Variants in CLEC12A observed in about 807,000 individuals in gnomAD.
CLEC12A encodes C-type lectin protein CLL-1.
In CLEC12A, 22 loss-of-function variants were observed where a neutral mutation model predicts 26.5. The ratio of observed to expected loss-of-function variants is 0.83; its 90% CI spans 0.59 to 1.19. CLEC12A has a LOEUF of 1.19. Among genes scored for constraint, CLEC12A ranks in the 50% most tolerant of loss-of-function variants. The pLI is 0.00. For synonymous variants in CLEC12A, 119 were observed against 101.9 expected (o/e 1.17, Z -1.01); for missense variants, 353 against 315.6 (o/e 1.12, Z -0.90).
intron 1 of CLEC12A, among the ~76,000 whole-genome samples, chr12:9,961,838 T>C (rs4502063): frequency 0.028 from 4,235 of 152,312 alleles, 202 homozygotes; most frequent in African/African-American, 0.096. Flanking sequence ...ATAAATCTAC[T>C]CTTCACCATT....
chr12:9,954,305 G>A (rs908507528), intron 1 of CLEC12A, among the ~76,000 whole-genome samples: 3 of 151,256 alleles, frequency 2.0e-5, no homozygotes, highest in Admixed American at 6.6e-5. Context: ...GACCAGCCTG[G>A]GCAACATGGT....
chr12:9,997,380 TGAG>T, downstream of CLEC12A: 2 of 1,075,526 alleles, frequency 1.9e-6, no homozygotes, highest in Non-Finnish European at 2.7e-6. Flanking sequence ...TGCCAATATA[TGAG>T]GAGTTTACTA....
At chr12:10,002,117 G>A in the CLEC12A span, among the ~76,000 whole-genome samples, 17 of 151,944 alleles carry the variant, frequency 1.1e-4, no homozygotes, top group Non-Finnish European at 2.5e-4. Context: ...TCCTGACCTC[G>A]TGATCCACCC....
chr12:9,979,634 T>C (rs921235334), intron 3 of CLEC12A, 110 bp downstream of exon 3: 49 of 786,720 alleles, frequency 6.2e-5, no homozygotes, highest in Middle Eastern at 5.0e-4. Flanking sequence ...GAGTCATAAT[T>C]TGGGGGAAAG....
chr12:9,999,384 C>G (rs915923485), downstream of CLEC12A: 1 of 267,168 alleles, frequency 3.7e-6, no homozygotes, highest in African/African-American at 2.2e-5. Flanking sequence ...TTTTTATCTT[C>G]AACACTAAAT....
At chr12:9,984,377 T>C (rs1315184273) in intron 5 of CLEC12A, 5 of 152,500 alleles carry the variant, frequency 3.3e-5, no homozygotes, top group African/African-American at 1.2e-4. Flanking sequence ...CTAGTATTTA[T>C]GGGCTGGTCA....
At chr12:9,986,702 T>C (rs1474496635), downstream of CLEC12A, among the ~76,000 whole-genome samples, 1 of 152,050 alleles carries the variant, frequency 6.6e-6, no homozygotes, top group Non-Finnish European at 1.5e-5. Context: ...TCCCAGCTAC[T>C]CGGGAGGCTG....
intron 1 of CLEC12A, among the ~76,000 whole-genome samples, chr12:9,959,351 CTGAGGCAGGAGAATCTCT>C (rs1197403022): frequency 1.3e-5 from 2 of 151,610 alleles, no homozygotes; most frequent in Admixed American, 6.6e-5. Context: ...ACTCTGGAGG[CTGAGGCAGGAGAATCTCT>C]TGAACCAGTG....
chr12:9,980,572 C>A lies in CLEC12A; in HGVS notation c.380-10C>A. 6.2e-7 allele frequency: 1 copy of A among 1,609,016 alleles called. No homozygotes were observed. Among genetic ancestry groups the A allele is most frequent in the Non-Finnish European group, 8.5e-7 (1 of 1,177,876 alleles). Reference sequence around the variant, plus strand: ...AACAAAACCCAAATAAAACTATGTTCTTCTTCCAGAGCACAAATGTAAGCC... The same window carrying A: ...AACAAAACCCAAATAAAACTATGTTATTCTTCCAGAGCACAAATGTAAGCC... On this transcript the variant is annotated splice_polypyrimidine_tract_variant and intron_variant, in intron 3 of 5. Coordinates refer to ENST00000304361, the MANE Select transcript of CLEC12A (RefSeq NM_138337.6).
chr12:9,963,680 AC>A (rs764571360), intron 1 of CLEC12A, among the ~76,000 whole-genome samples: 1 of 152,180 alleles, frequency 6.6e-6, no homozygotes, highest in Non-Finnish European at 1.5e-5. Context: ...GTGTGCATGT[AC>A]CTGTCCAATT....
At chr12:9,986,063 A>C, downstream of CLEC12A, 1 of 448,412 alleles carries the variant, frequency 2.2e-6, no homozygotes, top group Middle Eastern at 3.3e-4. Context: ...TGTGCAGCAG[A>C]GCATTCTCAG....
chr12:9,991,745 T>G (rs1864898384), intron 4 of CLEC12A: 1 of 152,154 alleles, frequency 6.6e-6, no homozygotes, highest in Non-Finnish European at 1.5e-5. Context: ...ATACTTGGTA[T>G]TCTGATCGAT....
chr12:9,977,076 T>C (rs1203261082), intron 1 of CLEC12A, among the ~76,000 whole-genome samples: 1 of 152,212 alleles, frequency 6.6e-6, no homozygotes, highest in Non-Finnish European at 1.5e-5. Context: ...AATGGACTAA[T>C]ACACATGCTA....
intron 3 of CLEC12A, 81 bp from the exon 4 acceptor site, chr12:9,980,501 T>C: frequency 1.2e-5 from 16 of 1,307,342 alleles, no homozygotes; most frequent in South Asian, 1.4e-5. Flanking sequence ...ATGTGATCAA[T>C]GTCACACAGA....
chr12:10,002,835 A>G, the CLEC12A span, among the ~76,000 whole-genome samples: 1 of 152,210 alleles, frequency 6.6e-6, no homozygotes, highest in Non-Finnish European at 1.5e-5. Flanking sequence ...GAAGTCTTTC[A>G]TAGACTCCAT....
chr12:9,983,204 T>A (rs964202184), intron 5 of CLEC12A, among the ~76,000 whole-genome samples: 3 of 152,132 alleles, frequency 2.0e-5, no homozygotes, highest in African/African-American at 7.2e-5. Flanking sequence ...AAATGGTAAT[T>A]CTATTTTTAG....
intron 1 of CLEC12A, among the ~76,000 whole-genome samples, chr12:9,957,831 A>G (rs139331165): frequency 8.7e-4 from 132 of 152,348 alleles, no homozygotes; most frequent in Middle Eastern, 3.4e-3. Context: ...TGCCTGACAC[A>G]ATTCCCAGCT....
chr12:9,970,101 TA>T (rs1864071609), upstream of CLEC12A, among the ~76,000 whole-genome samples: 1 of 152,262 alleles, frequency 6.6e-6, no homozygotes, highest in Non-Finnish European at 1.5e-5. Context: ...GCTTTTTCTT[TA>T]TCAGGAGAAA....
At chr12:9,960,446 TC>T (rs1199781887) in intron 1 of CLEC12A, among the ~76,000 whole-genome samples, 2 of 152,212 alleles carry the variant, frequency 1.3e-5, no homozygotes, top group Non-Finnish European at 2.9e-5. Flanking sequence ...TTATTTATCA[TC>T]CTTGTTCAAT....
Sources: gnomAD v4.1 joint callset for allele counts (sites outside exome capture counted in the v4.1 genomes callset) on GRCh38, gnomAD v4.1.1 for gene constraint, MANE v1.5 for transcripts, NCBI Gene and HGNC (gene_info 2026-07-23, HGNC 2026-07-21) for gene names.